The following PCDH11X variants were observed in gnomAD, a reference collection of about 807,000 sequenced individuals.
PCDH11X encodes protocadherin 11 X-linked.
Under a neutral mutation model 53.3 loss-of-function variants are expected in PCDH11X, and 18 were observed. The ratio of observed to expected loss-of-function variants is 0.34; its 90% CI spans 0.23 to 0.50. The LOEUF is 0.50. PCDH11X is among the 20% of genes least tolerant of loss of function. PCDH11X has a pLI of 0.98. For missense variants in PCDH11X, 570 were observed against 1,032.4 expected (o/e 0.55, Z 6.14); for synonymous variants, 279 against 393.3 (o/e 0.71, Z 3.44).
At chrX:92,377,845 C>T (rs1325758861) in intron 8 of PCDH11X, among the ~76,000 whole-genome samples, 8 of 101,819 alleles carry the variant, frequency 7.9e-5, no homozygotes, top group Non-Finnish European at 1.2e-4. Context: ...ACTGATTAAA[C>T]TGTATAGTTA....
chrX:91,942,594 C>G (rs113750728), intron 6 of PCDH11X, among the ~76,000 whole-genome samples: 1,604 of 110,580 alleles, frequency 0.015, 39 homozygotes, highest in African/African-American at 0.051. Flanking sequence ...AGACGGCAAG[C>G]CCATATGGCT....
intron 6 of PCDH11X, among the ~76,000 whole-genome samples, chrX:92,075,444 C>A (rs1195876095): frequency 9.1e-6 from 1 of 109,779 alleles, no homozygotes; most frequent in Non-Finnish European, 1.9e-5. Flanking sequence ...ACACTGATTT[C>A]AGCTATGCCT....
At chrX:92,533,863 G>A (rs375854172) in intron 10 of PCDH11X, among the ~76,000 whole-genome samples, 72 of 107,078 alleles carry the variant, frequency 6.7e-4, no homozygotes, top group African/African-American at 2.3e-3. Flanking sequence ...CAACACCAAC[G>A]AAAAGGACAT....
At chrX:92,401,994 G>A (rs1456681461) in intron 9 of PCDH11X, among the ~76,000 whole-genome samples, 1 of 111,157 alleles carries the variant, frequency 9.0e-6, no homozygotes, top group Non-Finnish European at 1.9e-5. Flanking sequence ...ACTCCTTTCT[G>A]CTTTTGAAGG....
intron 10 of PCDH11X, among the ~76,000 whole-genome samples, chrX:92,551,968 T>C (rs2074963814): frequency 1.3e-5 from 1 of 79,670 alleles, no homozygotes; most frequent in Non-Finnish European, 2.6e-5. Context: ...TAATTTGAAG[T>C]CAGGTAAGGT....
At chrX:92,155,612 A>C (rs2065515208) in intron 6 of PCDH11X, among the ~76,000 whole-genome samples, 2 of 97,153 alleles carry the variant, frequency 2.1e-5, no homozygotes, top group African/African-American at 4.0e-5. Context: ...CAGTTACTTC[A>C]ATAGCTTTTT....
chrX:92,463,006 A>G (rs1407865959), intron 9 of PCDH11X, among the ~76,000 whole-genome samples: 1 of 110,101 alleles, frequency 9.1e-6, no homozygotes, highest in Non-Finnish European at 1.9e-5. Context: ...CCAGTTCTGT[A>G]TATCTCAGAA....
At chrX:92,243,806 C>T (rs1203685742) in intron 7 of PCDH11X, among the ~76,000 whole-genome samples, 1 of 111,315 alleles carries the variant, frequency 9.0e-6, no homozygotes, top group Non-Finnish European at 1.9e-5. Flanking sequence ...TTTTCTATCT[C>T]TCTGTAGATG....
At chrX:92,458,005 A>G (rs1381666048) in intron 9 of PCDH11X, among the ~76,000 whole-genome samples, 2 of 110,600 alleles carry the variant, frequency 1.8e-5, no homozygotes, top group Non-Finnish European at 3.8e-5. Context: ...AAATGTAAAT[A>G]ATATAGTATT....
At chrX:92,397,784 G>T (rs1407278196) in intron 9 of PCDH11X, among the ~76,000 whole-genome samples, 2 of 110,425 alleles carry the variant, frequency 1.8e-5, no homozygotes, top group African/African-American at 6.6e-5. Context: ...TGATTCAGCT[G>T]TTTGTGTTTG....
At chrX:92,201,585 G>A in intron 7 of PCDH11X, 130 bp downstream of exon 7, 1 of 387,556 alleles carries the variant, frequency 2.6e-6, no homozygotes, top group Non-Finnish European at 4.4e-6. Context: ...TTTTGTGCTG[G>A]ACTCAAAATT....
chrX:91,983,344 C>G, intron 6 of PCDH11X: 1 of 1,103,139 alleles, frequency 9.1e-7, no homozygotes, highest in Non-Finnish European at 1.3e-6. Context: ...GACTGCCCGT[C>G]ACTTTGGTGG....
At chrX:92,445,809 A>AAAATATAT (rs1197162115) in intron 9 of PCDH11X, among the ~76,000 whole-genome samples, 2 of 110,891 alleles carry the variant, frequency 1.8e-5, no homozygotes, top group African/African-American at 6.5e-5. Context: ...CACTGCTGAA[A>AAAATATAT]AAATATATAT....
At chrX:91,912,657 G>C (rs1466106325) in intron 6 of PCDH11X, among the ~76,000 whole-genome samples, 2 of 110,643 alleles carry the variant, frequency 1.8e-5, no homozygotes, top group Non-Finnish European at 3.8e-5. Flanking sequence ...TGTGGTTTGA[G>C]AAAATCGAAG....
intron 10 of PCDH11X, among the ~76,000 whole-genome samples, chrX:92,595,414 A>G (rs773941054): frequency 2.7e-5 from 3 of 109,623 alleles, no homozygotes; most frequent in African/African-American, 1.0e-4. Context: ...AATTCCAGCA[A>G]TGCGAATTTA....
At chrX:92,264,732 A>T (rs947076241) in intron 8 of PCDH11X, among the ~76,000 whole-genome samples, 2 of 110,869 alleles carry the variant, frequency 1.8e-5, no homozygotes, top group African/African-American at 6.6e-5. Context: ...TTTGTTTTAC[A>T]AGTTAGGCTC....
intron 5 of PCDH11X, among the ~76,000 whole-genome samples, chrX:91,864,744 C>T (rs1044400339): frequency 1.9e-5 from 2 of 107,372 alleles, no homozygotes; most frequent in African/African-American, 6.8e-5. Context: ...TTTCAAATAC[C>T]CTGTCTTCAA....
intron 4 of PCDH11X, among the ~76,000 whole-genome samples, chrX:91,812,971 G>A (rs974607022): frequency 2.7e-5 from 3 of 111,238 alleles, no homozygotes; most frequent in Non-Finnish European, 3.8e-5. Context: ...TCTTTATTGC[G>A]GCATTATATA....
intron 6 of PCDH11X, among the ~76,000 whole-genome samples, chrX:92,120,797 G>A (rs891520601): frequency 3.3e-4 from 37 of 111,570 alleles, no homozygotes; most frequent in Non-Finnish European, 5.6e-4. Context: ...AGTCTTCTCA[G>A]GCATAAATGA....
Sources: gnomAD v4.1 joint callset for allele counts (sites outside exome capture counted in the v4.1 genomes callset) on GRCh38, gnomAD v4.1.1 for gene constraint, MANE v1.5 for transcripts, NCBI Gene and HGNC (gene_info 2026-07-23, HGNC 2026-07-21) for gene names.